The following PRKCB variants were observed in gnomAD, a reference collection of about 807,000 sequenced individuals.
PRKCB encodes protein kinase C beta type.
PRKCB carries 13 observed loss-of-function variants against 81.5 expected under a neutral mutation model. That is an observed-to-expected ratio of 0.16 (90% CI 0.10 to 0.25). The LOEUF (loss-of-function observed/expected upper bound fraction) is 0.25. PRKCB is among the 10% of genes least tolerant of loss of function. PRKCB has a pLI of 1.00. For synonymous variants in PRKCB, 335 were observed against 321.4 expected (o/e 1.04, Z -0.45); for missense variants, 509 against 875.7 (o/e 0.58, Z 5.29).
At chr16:24,007,014 G>A (rs1362686784) in intron 3 of PRKCB, among the ~76,000 whole-genome samples, 1 of 152,184 alleles carries the variant, frequency 6.6e-6, no homozygotes, top group Non-Finnish European at 1.5e-5. Context: ...AATTCTGATG[G>A]ATAGCTGGGT....
At chr16:23,989,118 G>T (rs778182765) in intron 3 of PRKCB, among the ~76,000 whole-genome samples, 2 of 152,172 alleles carry the variant, frequency 1.3e-5, no homozygotes, top group East Asian at 3.9e-4. Context: ...CTGCCACTAT[G>T]CCTGGCTAAT....
At position 23,900,637 on chromosome 16, in the gene PRKCB, T is replaced by G. The variant is rs137979341; in HGVS notation, c.205+63231T>G. On this transcript the variant is annotated intron_variant, in intron 2 of 16. Transcript: ENST00000643927. ...ATTTTTTTCCTTGTTGCCTTTTTTT[T>G]TCCTATGTGATGACGTATCTTAGAG... Among the ~76,000 whole-genome samples the G allele has an allele frequency of 2.8e-4, 42 of 152,194 alleles. No individual in the cohort carries two copies. In the East Asian group the frequency reaches 7.3e-3, roughly 27 times the overall value.
chr16:24,209,760 C>G (rs540005059), intron 16 of PRKCB, among the ~76,000 whole-genome samples: 1 of 152,102 alleles, frequency 6.6e-6, no homozygotes, highest in Non-Finnish European at 1.5e-5. Flanking sequence ...CCACTATTGT[C>G]CCCCGCTCAT....
At chr16:24,047,197 C>T (rs910577533) in intron 5 of PRKCB, among the ~76,000 whole-genome samples, 4 of 151,732 alleles carry the variant, frequency 2.6e-5, no homozygotes, top group African/African-American at 9.7e-5. Flanking sequence ...AAAAAATTAG[C>T]TGGGCGTGGT....
chr16:24,173,800 A>G (rs1235950079), intron 11 of PRKCB, among the ~76,000 whole-genome samples: 5 of 152,158 alleles, frequency 3.3e-5, no homozygotes, highest in Non-Finnish European at 5.9e-5. Flanking sequence ...CATTCACTAT[A>G]TAACTTGCCC....
intron 16 of PRKCB, among the ~76,000 whole-genome samples, chr16:24,203,603 G>T (rs1371132190): frequency 6.6e-6 from 1 of 152,134 alleles, no homozygotes; most frequent in Non-Finnish European, 1.5e-5. Context: ...ACTCCCAATA[G>T]AAATTCCAAC....
At chr16:23,955,586 G>A (rs1233338458) in intron 2 of PRKCB, among the ~76,000 whole-genome samples, 1 of 152,114 alleles carries the variant, frequency 6.6e-6, no homozygotes, top group Non-Finnish European at 1.5e-5. Context: ...AGACAGTTAG[G>A]GTTGTCCATA....
At chr16:24,021,018 T>TTCTTTCTTTCTTTTTC (rs1965362377) in intron 3 of PRKCB, among the ~76,000 whole-genome samples, 8 of 134,534 alleles carry the variant, frequency 5.9e-5, no homozygotes, top group African/African-American at 2.3e-4. Context: ...CTTTCTTTCT[T>TTCTTTCTTTCTTTTTC]TCTTTCTTTC....
At chr16:24,024,059 A>G (rs1965443469) in intron 3 of PRKCB, among the ~76,000 whole-genome samples, 1 of 152,210 alleles carries the variant, frequency 6.6e-6, no homozygotes, top group Admixed American at 6.5e-5. Context: ...AACCCCAGGG[A>G]CCAGAACCAG....
intron 2 of PRKCB, among the ~76,000 whole-genome samples, chr16:23,919,722 A>C (rs1242724680): frequency 6.6e-6 from 1 of 152,164 alleles, no homozygotes; most frequent in African/African-American, 2.4e-5. Context: ...TATGAATTTG[A>C]ATACTATAGG....
intron 2 of PRKCB, among the ~76,000 whole-genome samples, chr16:23,912,273 G>A (rs1398381965): frequency 2.0e-5 from 3 of 151,908 alleles, no homozygotes; most frequent in Admixed American, 2.0e-4. Context: ...TTTTGCCTCT[G>A]CTATAAGCCA....
intron 2 of PRKCB, among the ~76,000 whole-genome samples, chr16:23,849,437 T>A (rs1962434217): frequency 1.3e-5 from 2 of 152,192 alleles, no homozygotes; most frequent in South Asian, 4.1e-4. Flanking sequence ...TCCCTAAAGG[T>A]AGAGACCATT....
intron 16 of PRKCB, among the ~76,000 whole-genome samples, chr16:24,210,848 A>G (rs1469497091): frequency 1.3e-5 from 2 of 152,120 alleles, no homozygotes; most frequent in Non-Finnish European, 2.9e-5. Flanking sequence ...GCACTAAAAC[A>G]TATATTCACA....
At chr16:24,113,242 T>TTC (rs1966697407) in intron 8 of PRKCB, among the ~76,000 whole-genome samples, 173 bp downstream of exon 8, 31 of 131,900 alleles carry the variant, frequency 2.4e-4, no homozygotes, top group African/African-American at 1.2e-3. Flanking sequence ...CTTTCTTGCT[T>TTC]ACTTGCTTGC....
At chr16:23,936,193 T>C (rs1299967831) in intron 2 of PRKCB, among the ~76,000 whole-genome samples, 2 of 150,900 alleles carry the variant, frequency 1.3e-5, no homozygotes, top group Non-Finnish European at 2.9e-5. Context: ...TTCTCCACCT[T>C]GTTTTTTTTT....
At position 23,909,048 on chromosome 16, in the gene PRKCB, A is replaced by G. The variant is rs141042883; in HGVS notation, c.205+71642A>G. Among the ~76,000 whole-genome samples, 20 of 152,356 alleles carry G rather than the reference A, an allele frequency of 1.3e-4. No individual in the cohort carries two copies. The East Asian group carries it at 3.9e-3, about 29-fold the overall frequency. On this transcript the variant is annotated intron_variant, in intron 2 of 16. Coordinates refer to ENST00000643927, the MANE Select transcript of PRKCB (RefSeq NM_002738.7). ...TTTGTTTTGTTTTGTTTACAGAGCT[A>G]GGCGAACAGTTGGCACTCAGTAACT...
intron 12 of PRKCB, among the ~76,000 whole-genome samples, chr16:24,179,698 A>G (rs1967588922): frequency 6.6e-6 from 1 of 152,218 alleles, no homozygotes. Flanking sequence ...CTCAGATGTC[A>G]CCGCCTTAGA....
At chr16:23,930,561 C>A (rs990195260) in intron 2 of PRKCB, among the ~76,000 whole-genome samples, 2 of 30,988 alleles carry the variant, frequency 6.5e-5, no homozygotes, top group Admixed American at 8.9e-4. Context: ...AGAGTGAGAA[C>A]CTGTCTAAAA....
chr16:24,200,249 G>A (rs1967938326), intron 16 of PRKCB, among the ~76,000 whole-genome samples: 1 of 152,110 alleles, frequency 6.6e-6, no homozygotes, highest in South Asian at 2.1e-4. Flanking sequence ...TGTTCTTTTG[G>A]GGTATCCACT....
Sources: gnomAD v4.1 joint callset for allele counts (sites outside exome capture counted in the v4.1 genomes callset) on GRCh38, gnomAD v4.1.1 for gene constraint, MANE v1.5 for transcripts, NCBI Gene and HGNC (gene_info 2026-07-23, HGNC 2026-07-21) for gene names.